Variants in GRIN3B observed in about 807,000 individuals in gnomAD.
The protein encoded by GRIN3B is glutamate ionotropic receptor NMDA type subunit 3B.
Under a neutral mutation model 66.0 loss-of-function variants are expected in GRIN3B, and 77 were observed. That is an observed-to-expected ratio of 1.17 (90% CI 0.97 to 1.41). The LOEUF (loss-of-function observed/expected upper bound fraction) is 1.41. Among genes scored for constraint, GRIN3B ranks in the 40% most tolerant of loss-of-function variants. GRIN3B has a pLI of 0.00. For missense variants in GRIN3B, 1,787 were observed against 1,564.5 expected (o/e 1.14, Z -2.40); for synonymous variants, 823 against 749.7 (o/e 1.10, Z -1.60).
intron 1 of GRIN3B, among the ~76,000 whole-genome samples, chr19:1,002,363 C>CAAAAAAAAAAA (rs71335327): frequency 5.6e-4 from 42 of 74,610 alleles, no homozygotes; most frequent in African/African-American, 1.5e-3. Flanking sequence ...ACTAAAAATA[C>CAAAAAAAAAAA]AAAAAAAAAA....
rs2038674909 is a variant in GRIN3B at position 1,000,681 on chromosome 19, C to G, written c.244C>G (p.Arg82Gly). ...LELVVAAPPA[R>G]DPASLTRGLC... The stretch of plus-strand genomic sequence containing the variant: ...GCTGGTGGTCGCCGCGCCCCCCGCC[C>G]GCGACCCCGCCTCGCTGACCCGCGG... The change falls in exon 1 of 9, where the codon CGC (arginine) becomes GGC (glycine). Residue 82 changes from arginine (R) to glycine (G), a missense_variant. Physicochemically the swap from Arg to Gly is moderately radical, Grantham distance 125 (BLOSUM62 -2). Coordinates refer to ENST00000234389, the MANE Select transcript of GRIN3B (RefSeq NM_138690.3). 3 of 1,351,694 alleles carry G rather than the reference C, an allele frequency of 2.2e-6. No homozygotes were observed. In the South Asian group the frequency reaches 5.2e-5, roughly 23 times the overall value. The allele number at this position is 1,351,694 out of a possible 1,614,324, so 83.7% of individuals were successfully genotyped here.
Position 1,005,495 on chromosome 19 carries a change from C to T in GRIN3B, c.1994C>T (p.Ala665Val), listed in dbSNP as rs1003563642. The T allele has an allele frequency of 1.2e-6, 2 of 1,612,956 alleles. No individual in the cohort carries two copies. Among genetic ancestry groups the T allele is most frequent in the African/African-American group, 2.7e-5 (2 of 74,900 alleles). ...LVLSSYTANL[A>V]AVMVGDKTFE... is the part of the protein sequence containing the mutation. ...CTGTCCAGCTACACGGCCAACCTGG[C>T]TGCCGTCATGGTCGGGGACAAGACC... The change falls in exon 3 of 9, where the codon GCT becomes GTT. Residue 665 changes from alanine to valine, a missense_variant. Ala to Val is a moderately conservative substitution (Grantham distance 64). Transcript: ENST00000234389. The surrounding 1 kb of genome is among the most constrained non-coding windows in gnomAD (Gnocchi z 5.2).
rs1568392197 is a variant in GRIN3B at position 1,007,604 on chromosome 19, G to T, written c.2053-24G>T. 6.8e-7 allele frequency: 1 copy of T among 1,474,266 alleles called. No individual in the cohort carries two copies. The highest frequency in any genetic ancestry group is 9.0e-7 in the Non-Finnish European group (1 of 1,115,370). 91.3% of individuals were successfully genotyped at this position (1,474,266 alleles called of 1,614,324 possible). On this transcript the variant is annotated intron_variant, in intron 3 of 8. Coordinates refer to ENST00000234389, the MANE Select transcript of GRIN3B (RefSeq NM_138690.3). The surrounding 1 kb of genome is among the most constrained non-coding windows in gnomAD (Gnocchi z 4.4). ...CAGGGGTCCTGAGGGGCAGGCAGAG[G>T]CGCTGACGGGGTCCCCCGCGCAGCT...
chr19:1,009,615 G>A lies in GRIN3B; in HGVS notation c.*13G>A, dbSNP rs2038826161. ...GAGCCAGGAATGAGGCGGCAGCCGG[G>A]CCGTTTGGGCTCAAGACACACACAC... is the stretch of plus-strand genomic sequence containing the variant. On this transcript the variant is annotated 3_prime_UTR_variant, in exon 9 of 9. Transcript: ENST00000234389. 2.8e-6 allele frequency: 4 copies of A among 1,415,248 alleles called. No individual in the cohort carries two copies. Among genetic ancestry groups the A allele is most frequent in the African/African-American group, 3.0e-5 (2 of 66,580 alleles). The allele number at this position is 1,415,248 out of a possible 1,614,324, so 87.7% of individuals were successfully genotyped here. A position where few individuals can be genotyped will look rare whatever the true frequency, so the allele number is the denominator to read the frequency against.
At position 1,008,216 on chromosome 19, in the gene GRIN3B, C is replaced by G; in HGVS notation, c.2391C>G (p.Ser797=). Residue 797 remains serine (S), a synonymous_variant, in exon 6 of 9, where the codon TCC becomes TCG. Transcript: ENST00000234389. ...AGTTCATCAGCCGCTACAAGTCCTC[C>G]GGCTTCATCGACCTGCTCCACGACA... ...LSEFISRYKS[S]GFIDLLHDKW... 1 of 1,611,702 alleles carries G rather than the reference C, an allele frequency of 6.2e-7. No homozygotes were observed. Among genetic ancestry groups the G allele is most frequent in the South Asian group, 1.1e-5 (1 of 90,702 alleles).
At chr19:1,001,440 C>T (rs887486100) in intron 1 of GRIN3B, among the ~76,000 whole-genome samples, 2 of 151,912 alleles carry the variant, frequency 1.3e-5, no homozygotes, top group Non-Finnish European at 2.9e-5. Flanking sequence ...ACCCCCCAAC[C>T]CCTGGCAGCC....
Position 1,009,630 on chromosome 19 carries a change from GACAC to G in GRIN3B, c.*36_*39del, listed in dbSNP as rs560685871. 8 of 1,396,182 alleles carry G rather than the reference GACAC, an allele frequency of 5.7e-6. No individual in the cohort carries two copies. The highest frequency in any genetic ancestry group is 4.5e-5 in the African/African-American group (3 of 66,066). 86.5% of individuals were successfully genotyped at this position (1,396,182 alleles called of 1,614,324 possible). Reference sequence around the variant, plus strand: ...CGGCAGCCGGGCCGTTTGGGCTCAAGACACACACACAGCGCAGTGAGCCGCTGTC... The same window carrying G: ...CGGCAGCCGGGCCGTTTGGGCTCAAGACACACAGCGCAGTGAGCCGCTGTC... On this transcript the variant is annotated 3_prime_UTR_variant, in exon 9 of 9. Coordinates refer to ENST00000234389, the MANE Select transcript of GRIN3B (RefSeq NM_138690.3).
At position 1,004,704 on chromosome 19, in the gene GRIN3B, C is replaced by G; in HGVS notation, c.1203C>G (p.Ala401=). The G allele has an allele frequency of 6.2e-7, 1 of 1,604,144 alleles. No individual in the cohort carries two copies. The highest frequency in any genetic ancestry group is 1.1e-5 in the South Asian group (1 of 90,330). ...DGQLDLEPGG[A]SARPPPPQGA... is the part of the protein sequence containing the mutation. The stretch of plus-strand genomic sequence containing the variant: ...AGCTGGACTTGGAACCGGGAGGTGC[C>G]TCTGCACGGCCCCCGCCCCCACAGG... Residue 401 remains alanine (A), a synonymous_variant, in exon 3 of 9, where the codon GCC becomes GCG. Coordinates refer to ENST00000234389, the MANE Select transcript of GRIN3B (RefSeq NM_138690.3).
chr19:1,007,594 G>C lies in GRIN3B; in HGVS notation c.2053-34G>C. ...CCTCAATGGTCAGGGGTCCTGAGGG[G>C]CAGGCAGAGGCGCTGACGGGGTCCC... On this transcript the variant is annotated intron_variant, in intron 3 of 8. Transcript: ENST00000234389. The surrounding 1 kb of genome is among the most constrained non-coding windows in gnomAD (Gnocchi z 4.4). 6.9e-7 allele frequency: 1 copy of C among 1,455,984 alleles called. No individual in the cohort carries two copies. 90.2% of individuals were successfully genotyped at this position (1,455,984 alleles called of 1,614,324 possible).
intron 6 of GRIN3B, 124 bp from the exon 7 acceptor site, chr19:1,008,494 C>G: frequency 8.3e-7 from 1 of 1,209,788 alleles, no homozygotes; most frequent in Non-Finnish European, 1.1e-6. Flanking sequence ...GAGTCCCTGC[C>G]TCCCAACCTG....
chr19:1,007,686 C>A lies in GRIN3B; in HGVS notation c.2111C>A (p.Ala704Glu). The A allele has an allele frequency of 2.0e-6, 3 of 1,536,848 alleles. No individual in the cohort carries two copies. The highest frequency in any genetic ancestry group is 8.7e-7 in the Non-Finnish European group (1 of 1,142,990). The change falls in exon 4 of 9, where the codon GCG becomes GAG. Residue 704 changes from alanine (A) to glutamate (E), a missense_variant. Coordinates refer to ENST00000234389, the MANE Select transcript of GRIN3B (RefSeq NM_138690.3). This position sits in a 1 kb window ranked among gnomAD's most constrained non-coding sequence, Gnocchi z 4.4. The part of the protein sequence containing the change: ...FGTVWESSAE[A>E]YIKKSFPDMH... ...ACCGTGTGGGAGAGCAGCGCCGAGG[C>A]GTACATCAAGAAGAGCTTCCCCGAC...
Position 1,008,871 on chromosome 19 carries a change from C to T in GRIN3B, c.2646C>T (p.Ala882=), listed in dbSNP as rs750658854. 1.2e-6 allele frequency: 2 copies of T among 1,610,410 alleles called. No homozygotes were observed. The highest frequency in any genetic ancestry group is 1.1e-5 in the South Asian group (1 of 90,752). Residue 882 remains alanine (A), a synonymous_variant, in exon 8 of 9, where the codon GCC becomes GCT. Transcript: ENST00000234389. ...WLHTSQKIHR[A]LNTEPPEGSK... is the part of the protein sequence containing the mutation. The stretch of plus-strand genomic sequence containing the variant: ...TGGGGTCTTAGAAAATCCACCGCGC[C>T]CTCAACACGGAGCCACCAGAGGGGT...
intron 1 of GRIN3B, 45 bp downstream of exon 1, chr19:1,000,908 G>C: frequency 1.5e-6 from 2 of 1,343,572 alleles, no homozygotes; most frequent in Non-Finnish European, 1.9e-6. Context: ...CCCGGGGCGG[G>C]AGCGGGGTCG....
chr19:1,009,394 CG>C lies in GRIN3B; in HGVS notation c.2929del (p.Ala977ProfsTer108), dbSNP rs746717733. The C allele has an allele frequency of 2.1e-5, 30 of 1,413,580 alleles. No individual in the cohort carries two copies. The highest frequency in any genetic ancestry group is 4.3e-5 in the South Asian group (3 of 69,062). The allele number at this position is 1,413,580 out of a possible 1,614,324, so 87.6% of individuals were successfully genotyped here. A position where few individuals can be genotyped will look rare whatever the true frequency, so the allele number is the denominator to read the frequency against. On this transcript the variant is annotated frameshift_variant, in exon 9 of 9. Transcript: ENST00000234389. LOFTEE classifies it low-confidence loss of function (END_TRUNC). ...GGCCGCCCGCCCGCCGCAAGGCCCACGGGGGCCCCCCAGCCCGGGGAGCTGC... is the reference window on the plus strand; with the variant it reads ...GGCCGCCCGCCCGCCGCAAGGCCCACGGGGCCCCCCAGCCCGGGGAGCTGC... ...SYGRPPAARP[T>X]GAPQPGELQE...
At chr19:1,000,951 G>A (rs1163444991) in intron 1 of GRIN3B, 88 bp downstream of exon 1, 5 of 1,277,314 alleles carry the variant, frequency 3.9e-6, no homozygotes, top group Non-Finnish European at 5.0e-6. Flanking sequence ...TCAGGATGGG[G>A]GTGCCGGGAC....
In GRIN3B at chr19:1,003,593, T is replaced by G. The variant is rs1368706264; in HGVS notation, c.890T>G (p.Val297Gly). ...CTGGAGGCCGCCATCCATGACATTG[T>G]GCAACTGGTGGCCCGGGCGCTGGGC... ...PPLEAAIHDIVQLVARALGSA... is the reference protein window; with the variant it reads ...PPLEAAIHDIGQLVARALGSA... Residue 297 changes from valine (V) to glycine (G), a missense_variant, in exon 2 of 9, where the codon GTG (valine) becomes GGG (glycine). Transcript: ENST00000234389. 1 of 1,470,414 alleles carries G rather than the reference T, an allele frequency of 6.8e-7. No homozygotes were observed. Among genetic ancestry groups the G allele is most frequent in the South Asian group, 1.3e-5 (1 of 74,576 alleles). 91.1% of individuals were successfully genotyped at this position (1,470,414 alleles called of 1,614,324 possible). A position where few individuals can be genotyped will look rare whatever the true frequency, so the allele number is the denominator to read the frequency against.
rs773729380 is a variant in GRIN3B, at chr19:1,009,130, C to T, written c.2703-43C>T. ...CTCTGCAGAGGCCCAGGGCGCGAGA[C>T]GGCTGCCCCGGCGGACACTGACCAG... On this transcript the variant is annotated intron_variant, in intron 8 of 8. Transcript: ENST00000234389. 1.9e-5 allele frequency: 27 copies of T among 1,441,146 alleles called. No homozygotes were observed. The South Asian group carries it at 3.8e-4, about 20-fold the overall frequency. The allele number at this position is 1,441,146 out of a possible 1,614,324, so 89.3% of individuals were successfully genotyped here.
Position 1,008,915 on chromosome 19 carries a change from A to G in GRIN3B, c.2690A>G (p.Glu897Gly). The G allele has an allele frequency of 6.2e-7, 1 of 1,608,688 alleles. No individual in the cohort carries two copies. ...GAGGGGTCGAAGGAGGAGACGGCAG[A>G]GGCGGAGCCCAGGTAAGTGGTGGTC... ...PPEGSKEETA[E>G]AEPSGPEVEQ... The change falls in exon 8 of 9, where the codon GAG (glutamate) becomes GGG (glycine). Residue 897 changes from glutamate (E) to glycine (G), a missense_variant. By Grantham distance (98) the Glu-to-Gly change is moderately conservative (BLOSUM62 -2). Coordinates refer to ENST00000234389, the MANE Select transcript of GRIN3B (RefSeq NM_138690.3).
Position 1,009,560 on chromosome 19 carries a change from G to A in GRIN3B, c.3090G>A (p.Ala1030=), listed in dbSNP as rs1197276810. The A allele has an allele frequency of 4.5e-6, 4 of 895,652 alleles. No homozygotes were observed. The highest frequency in any genetic ancestry group is 4.5e-6 in the Non-Finnish European group (3 of 662,034). The allele number at this position is 895,652 out of a possible 1,614,324, so 55.5% of individuals were successfully genotyped here. The change falls in exon 9 of 9, where the codon GCG becomes GCA. Residue 1030 remains alanine, a synonymous_variant. Coordinates refer to ENST00000234389, the MANE Select transcript of GRIN3B (RefSeq NM_138690.3). ...TGCTTCAGGCCAGAGCGGCCCCCGC[G>A]GAGGCCCCACCACACTCTGGCCGAC... is the stretch of plus-strand genomic sequence containing the variant. ...RRLLQARAAP[A]EAPPHSGRPG...
Sources: allele counts gnomAD v4.1 joint callset (sites outside exome capture counted in the v4.1 genomes callset), GRCh38; gene constraint gnomAD v4.1.1; non-coding constraint Gnocchi (gnomAD v3.1); transcripts MANE v1.5; gene names NCBI Gene and HGNC (gene_info 2026-07-23, HGNC 2026-07-21).